GLDC: variants seen among roughly 807,000 people sequenced by gnomAD.
The protein encoded by GLDC is glycine dehydrogenase (decarboxylating), mitochondrial.
Under a neutral mutation model 121.3 loss-of-function variants are expected in GLDC, and 104 were observed. The observed-to-expected ratio is 0.86, with a 90% CI of 0.73 to 1.01. The LOEUF (loss-of-function observed/expected upper bound fraction) is 1.01. Among genes scored for constraint, GLDC ranks in the 50% least tolerant of loss-of-function variants. GLDC has a pLI of 0.00. For missense variants in GLDC, 1,429 were observed against 1,306.6 expected (o/e 1.09, Z -1.44); for synonymous variants, 546 against 480.6 (o/e 1.14, Z -1.78).
chr9:6,639,671 A>AAG lies in GLDC; in HGVS notation c.334+4942_334+4943insCT, dbSNP rs1188679740. ...TATCTTTTCACCATAAAAAAAAAGTATATATATATATATATATGGACAAAA... is the reference window on the plus strand; with the variant it reads ...TATCTTTTCACCATAAAAAAAAAGTAAGTATATATATATATATATGGACAAAA... On this transcript the variant is annotated intron_variant, in intron 2 of 24. Coordinates refer to ENST00000321612, the MANE Select transcript of GLDC (RefSeq NM_000170.3). 344 of 191,552 alleles carry AAG rather than the reference A, an allele frequency of 1.8e-3. 2 individuals carry two copies. Among genetic ancestry groups the AAG allele is most frequent in the Middle Eastern group, 6.3e-3 (3 of 476 alleles). 11.9% of individuals were successfully genotyped at this position (191,552 alleles called of 1,614,324 possible). A position where few individuals can be genotyped will look rare whatever the true frequency, so the allele number is the denominator to read the frequency against.
intron 8 of GLDC, among the ~76,000 whole-genome samples, chr9:6,601,274 G>C (rs1818605126): frequency 6.6e-6 from 1 of 152,146 alleles, no homozygotes; most frequent in Non-Finnish European, 1.5e-5. Flanking sequence ...CCCTTGCTTT[G>C]CCTTCCTCAA....
rs12006003 is a variant in GLDC at position 6,606,627 on chromosome 9, G to T, written c.678C>A (p.His226Gln). Residue 226 changes from histidine (H) to glutamine (Q), a missense_variant, in exon 5 of 25, where the codon CAC (histidine) becomes CAA (glutamine). His to Gln is a conservative substitution (Grantham distance 24). Transcript: ENST00000321612. ...TCTGGACAACAGCTATTGTCTGTGG[G>T]TGGCAACGGGGATCAACGAGAAATT... is the stretch of plus-strand genomic sequence containing the variant. ...RRKFLVDPRCHPQTIAVVQTR... is the reference protein window; with the variant it reads ...RRKFLVDPRCQPQTIAVVQTR... 3 of 1,609,776 alleles carry T rather than the reference G, an allele frequency of 1.9e-6. No individual in the cohort carries two copies. The Admixed American group carries it at 5.0e-5, about 27-fold the overall frequency.
chr9:6,554,141 T>C (rs1817569628), intron 19 of GLDC, among the ~76,000 whole-genome samples: 1 of 152,214 alleles, frequency 6.6e-6, no homozygotes, highest in Non-Finnish European at 1.5e-5. Context: ...TTGATTTCAG[T>C]GTAAAAAGTT....
At chr9:6,629,929 C>CTATATATATATATGTA (rs60994714) in intron 2 of GLDC, among the ~76,000 whole-genome samples, 16 of 102,148 alleles carry the variant, frequency 1.6e-4, no homozygotes, top group African/African-American at 5.2e-4. Flanking sequence ...TTGCTTTTCA[C>CTATATATATATATGTA]TATATATATA....
chr9:6,557,086 T>C (rs1410891991), intron 17 of GLDC, among the ~76,000 whole-genome samples: 6 of 152,216 alleles, frequency 3.9e-5, no homozygotes, highest in Non-Finnish European at 1.5e-5. Flanking sequence ...AGGAGTAAGT[T>C]GTAGAGTTCT....
intron 15 of GLDC, 87 bp from the exon 16 acceptor site, chr9:6,565,516 T>C: frequency 1.0e-6 from 1 of 982,868 alleles, no homozygotes; most frequent in Admixed American, 1.7e-5. Flanking sequence ...TGGCCAGGGG[T>C]TCACCAGCAC....
At chr9:6,563,087 G>A (rs1345432713) in intron 16 of GLDC, among the ~76,000 whole-genome samples, 2 of 152,190 alleles carry the variant, frequency 1.3e-5, no homozygotes, top group Non-Finnish European at 2.9e-5. Context: ...CACAGTGGGT[G>A]GAGAAGGGAA....
At chr9:6,551,185 A>G (rs1460887858) in intron 20 of GLDC, among the ~76,000 whole-genome samples, 2 of 152,212 alleles carry the variant, frequency 1.3e-5, no homozygotes, top group Non-Finnish European at 2.9e-5. Context: ...ACTACTGACT[A>G]CTGTGTTATC....
In GLDC at chr9:6,558,694, A is replaced by G; in HGVS notation, c.1927-10T>C. The stretch of plus-strand genomic sequence containing the variant: ...TCGGAATGAGGCAAACCTACAGAAT[A>G]GAAAGGAAGCAAAGAAAGAGCAAAA... On this transcript the variant is annotated splice_polypyrimidine_tract_variant and intron_variant, in intron 16 of 24. Coordinates refer to ENST00000321612, the MANE Select transcript of GLDC (RefSeq NM_000170.3). The G allele has an allele frequency of 1.9e-6, 3 of 1,614,172 alleles. No homozygotes were observed. The highest frequency in any genetic ancestry group is 2.5e-6 in the Non-Finnish European group (3 of 1,179,978).
chr9:6,598,246 G>GA (rs1818529758), intron 8 of GLDC, among the ~76,000 whole-genome samples: 1 of 152,070 alleles, frequency 6.6e-6, no homozygotes, highest in Non-Finnish European at 1.5e-5. Flanking sequence ...GCCTGGGATG[G>GA]ATTTAAACTG....
rs531522088 is a variant in GLDC, at chr9:6,622,504, G to A, written c.335-2185C>T. On this transcript the variant is annotated intron_variant, in intron 2 of 24. Transcript: ENST00000321612. ...AGTGATCCGCCAGCCTCGGCCTCCC[G>A]AGGTGCCGGGATTGCAGACAGAGTC... Among the ~76,000 whole-genome samples, 39 of 152,192 alleles carry A rather than the reference G, an allele frequency of 2.6e-4. No individual in the cohort carries two copies. In the East Asian group the frequency reaches 5.4e-3, roughly 21 times the overall value.
chr9:6,622,801 G>T (rs534703263), intron 2 of GLDC: 102 of 226,784 alleles, frequency 4.5e-4, no homozygotes, highest in African/African-American at 2.1e-3. Flanking sequence ...AGTGAGGAGC[G>T]CCTCTTCCGG....
At chr9:6,560,220 A>G (rs564091587) in intron 16 of GLDC, among the ~76,000 whole-genome samples, 75 of 152,316 alleles carry the variant, frequency 4.9e-4, no homozygotes, top group Middle Eastern at 3.4e-3. Context: ...TCATCCTCCT[A>G]TTTTTTATCC....
At chr9:6,549,906 GC>G (rs1410109756) in intron 21 of GLDC, among the ~76,000 whole-genome samples, 4 of 152,080 alleles carry the variant, frequency 2.6e-5, no homozygotes, top group African/African-American at 9.7e-5. Flanking sequence ...ACCTTTAATG[GC>G]TATTGTCCAG....
intron 4 of GLDC, among the ~76,000 whole-genome samples, chr9:6,608,961 G>A (rs896130433): frequency 6.6e-6 from 1 of 152,090 alleles, no homozygotes; most frequent in African/African-American, 2.4e-5. Context: ...AAGGCCTATG[G>A]CTGGAATGCA....
chr9:6,635,635 G>A (rs970364943), intron 2 of GLDC, among the ~76,000 whole-genome samples: 17 of 152,066 alleles, frequency 1.1e-4, no homozygotes, highest in Admixed American at 6.6e-4. Flanking sequence ...CATGTTGGCA[G>A]ACCAAAATGA....
At chr9:6,594,900 T>G in intron 9 of GLDC, 114 bp downstream of exon 9, 1 of 758,176 alleles carries the variant, frequency 1.3e-6, no homozygotes, top group South Asian at 1.4e-5. Context: ...TTTTTCCTCG[T>G]TTCTCACTTG....
At chr9:6,644,027 C>T (rs1819681875) in intron 2 of GLDC, among the ~76,000 whole-genome samples, 1 of 14,464 alleles carries the variant, frequency 6.9e-5, no homozygotes, top group Non-Finnish European at 9.0e-5. Context: ...GAGATTCTGT[C>T]TCAAAAAAAA....
At chr9:6,644,190 G>T (rs1819690439) in intron 2 of GLDC, among the ~76,000 whole-genome samples, 1 of 151,860 alleles carries the variant, frequency 6.6e-6, no homozygotes, top group Non-Finnish European at 1.5e-5. Flanking sequence ...CTGGGGGAGG[G>T]AGGCGAGATG....
Sources: allele counts gnomAD v4.1 joint callset (sites outside exome capture counted in the v4.1 genomes callset), GRCh38; gene constraint gnomAD v4.1.1; transcripts MANE v1.5; gene names NCBI Gene and HGNC (gene_info 2026-07-23, HGNC 2026-07-21).